ITGA9: variants seen among roughly 807,000 people sequenced by gnomAD.
The protein encoded by ITGA9 is integrin alpha-9.
A neutral mutation model predicts 127.8 loss-of-function variants in ITGA9; 56 were observed. The observed-to-expected ratio is 0.44, with a 90% CI of 0.35 to 0.55. ITGA9 has a LOEUF of 0.55. ITGA9 is among the 20% of genes least tolerant of loss of function. ITGA9 has a pLI of 0.00. For missense variants in ITGA9, 1,196 were observed against 1,347.1 expected, an observed-to-expected ratio of 0.89 and a Z score of 1.76; for synonymous variants, 508 against 514.5, an observed-to-expected ratio of 0.99 and a Z score of 0.17.
chr3:37,646,589 A>C (rs1174064390), intron 16 of ITGA9, among the ~76,000 whole-genome samples: 2 of 152,198 alleles, frequency 1.3e-5, no homozygotes, highest in Non-Finnish European at 2.9e-5. Flanking sequence ...GGAATAAGAG[A>C]TGATGGCTTC....
intron 21 of ITGA9, 43 bp downstream of exon 21, chr3:37,741,862 T>C: frequency 6.8e-7 from 1 of 1,465,200 alleles, no homozygotes. Context: ...AGGAGTGCCC[T>C]CCAGTGGAAC....
At position 37,695,479 on chromosome 3, in the gene ITGA9, G is replaced by A. The variant is rs145681521; in HGVS notation, c.2067+11464G>A. On this transcript the variant is annotated intron_variant, in intron 18 of 27. Transcript: ENST00000264741. ...ATTCTGTGTCAGTTGCACATGGGAT[G>A]TTTCTACCAGCATCTGAATTGGGGA... 2.1e-3 allele frequency among the ~76,000 whole-genome samples: 322 copies of A among 152,346 alleles called. 1 individual carries two copies. Among genetic ancestry groups the A allele is most frequent in the African/African-American group, 7.5e-3 (310 of 41,574 alleles).
At chr3:37,787,027 G>A (rs1226282631) in intron 26 of ITGA9, among the ~76,000 whole-genome samples, 1 of 152,194 alleles carries the variant, frequency 6.6e-6, no homozygotes, top group African/African-American at 2.4e-5. Flanking sequence ...TTTCTGGCAG[G>A]TCAGATATTT....
chr3:37,482,970 C>T (rs11710782), intron 4 of ITGA9, among the ~76,000 whole-genome samples: 16,351 of 152,068 alleles, frequency 0.11, 1,048 homozygotes, highest in Middle Eastern at 0.16. Flanking sequence ...GTTTCAGAAA[C>T]GCAAAGCATG....
intron 23 of ITGA9, among the ~76,000 whole-genome samples, chr3:37,762,771 G>A (rs903062385): frequency 2.6e-5 from 4 of 152,146 alleles, no homozygotes; most frequent in South Asian, 2.1e-4. Flanking sequence ...AGGGTCTTGC[G>A]CCATCCTTTT....
rs1697499557 is a variant in ITGA9, at chr3:37,820,437, A to G, written c.*1448A>G. 1 of 150,920 alleles carries G rather than the reference A, an allele frequency of 6.6e-6. No homozygotes were observed. The highest frequency in any genetic ancestry group is 2.5e-5 in the African/African-American group (1 of 40,056). The allele number at this position is 150,920 out of a possible 1,614,324, so 9.3% of individuals were successfully genotyped here. A position where few individuals can be genotyped will look rare whatever the true frequency, so the allele number is the denominator to read the frequency against. On this transcript the variant is annotated 3_prime_UTR_variant, in exon 28 of 28. Transcript: ENST00000264741. ...GAGACACAGGGAAATGATGCAAAAG[A>G]AATGATGCAAAGGATCTGAGCAGAA...
rs1383324035 is a variant in ITGA9, at chr3:37,597,990, C to G, written c.1690-31197C>G. Among the ~76,000 whole-genome samples, 1 of 152,194 alleles carries G rather than the reference C, an allele frequency of 6.6e-6. No homozygotes were observed. The highest frequency in any genetic ancestry group is 2.4e-5 in the African/African-American group (1 of 41,446). ...GAATTGGGCCCTTGATAAGATCATC[C>G]TAACACAGAGGCAGATGTAGATTTG... On this transcript the variant is annotated intron_variant, in intron 15 of 27. Transcript: ENST00000264741. This position sits in a 1 kb window ranked among gnomAD's most constrained non-coding sequence, Gnocchi z 4.6.
chr3:37,558,883 C>G (rs1478437746), intron 15 of ITGA9, among the ~76,000 whole-genome samples: 1 of 152,218 alleles, frequency 6.6e-6, no homozygotes, highest in Non-Finnish European at 1.5e-5. Context: ...CGATTCCTCT[C>G]TGCTAACCCT....
At chr3:37,741,640 A>C in intron 20 of ITGA9, 90 bp from the exon 21 acceptor site, 31 of 985,350 alleles carry the variant, frequency 3.1e-5, no homozygotes, top group Non-Finnish European at 3.8e-5. Flanking sequence ...TGGAGAATGT[A>C]GAGATTCAAC....
intron 23 of ITGA9, among the ~76,000 whole-genome samples, chr3:37,755,680 G>A (rs1696644577): frequency 6.6e-6 from 1 of 152,074 alleles, no homozygotes; most frequent in African/African-American, 2.4e-5. Context: ...ATGTATTGCA[G>A]AAGAACAAAA....
intron 24 of ITGA9, among the ~76,000 whole-genome samples, chr3:37,778,725 T>C (rs935800715): frequency 4.5e-5 from 6 of 134,694 alleles, no homozygotes; most frequent in Admixed American, 3.5e-4. Context: ...GGAATGACAA[T>C]GCTTTCCAAA....
chr3:37,633,102 A>C (rs533949002), intron 16 of ITGA9, among the ~76,000 whole-genome samples: 7 of 152,346 alleles, frequency 4.6e-5, no homozygotes, highest in African/African-American at 1.4e-4. Flanking sequence ...CAAGTCTAAA[A>C]AGCAGCCAAG....
intron 17 of ITGA9, among the ~76,000 whole-genome samples, chr3:37,667,239 CA>C (rs1328928248): frequency 6.6e-6 from 1 of 152,182 alleles, no homozygotes; most frequent in Non-Finnish European, 1.5e-5. Context: ...GGAATACTTT[CA>C]TTTCATGTTT....
chr3:37,636,785 A>C (rs1700283429), intron 16 of ITGA9, among the ~76,000 whole-genome samples: 1 of 152,016 alleles, frequency 6.6e-6, no homozygotes, highest in Non-Finnish European at 1.5e-5. Flanking sequence ...TTAAGTCTTT[A>C]ATCCATCTTG....
At chr3:37,773,788 T>A (rs552829624) in intron 23 of ITGA9, among the ~76,000 whole-genome samples, 1 of 152,346 alleles carries the variant, frequency 6.6e-6, no homozygotes, top group African/African-American at 2.4e-5. Flanking sequence ...TGGATTTTAA[T>A]GCCTGTAAAT....
chr3:37,665,437 C>T (rs1477911904), intron 17 of ITGA9, among the ~76,000 whole-genome samples: 3 of 152,018 alleles, frequency 2.0e-5, no homozygotes, highest in Non-Finnish European at 2.9e-5. Context: ...AAGTGTTTGC[C>T]GTTTCTCTGA....
chr3:37,815,656 C>G (rs1031622447), intron 27 of ITGA9, among the ~76,000 whole-genome samples: 2 of 151,550 alleles, frequency 1.3e-5, no homozygotes, highest in African/African-American at 4.9e-5. Context: ...GGCACACTAA[C>G]TGATGCTGTT....
At chr3:37,514,418 C>G (rs1201254883) in intron 9 of ITGA9, among the ~76,000 whole-genome samples, 4 of 152,138 alleles carry the variant, frequency 2.6e-5, no homozygotes, top group African/African-American at 7.2e-5. Context: ...GCTGGGGAAT[C>G]TTGAAGAAGG....
intron 17 of ITGA9, among the ~76,000 whole-genome samples, chr3:37,662,821 C>CT (rs1157900986): frequency 6.6e-6 from 1 of 152,182 alleles, no homozygotes; most frequent in African/African-American, 2.4e-5. Flanking sequence ...TCTCTGATGA[C>CT]TGTGTAGACA....
Sources: gnomAD v4.1 joint callset for allele counts (sites outside exome capture counted in the v4.1 genomes callset) on GRCh38, gnomAD v4.1.1 for gene constraint, Gnocchi (gnomAD v3.1) non-coding constraint, MANE v1.5 for transcripts, NCBI Gene and HGNC (gene_info 2026-07-23, HGNC 2026-07-21) for gene names.